Variants in C12orf56 observed in about 807,000 individuals in gnomAD.
C12orf56 encodes uncharacterized protein C12orf56.
Under a neutral mutation model 69.9 loss-of-function variants are expected in C12orf56, and 71 were observed. The observed-to-expected ratio is 1.02, with a 90% confidence interval of 0.84 to 1.24. The LOEUF (loss-of-function observed/expected upper bound fraction) is 1.24, where lower values mean the gene tolerates loss of function less well. Among genes scored for constraint, C12orf56 ranks in the 50% most tolerant of loss-of-function variants. The pLI is 0.00. For synonymous variants in C12orf56, 276 were observed against 274.1 expected (o/e 1.01, Z -0.07); for missense variants, 732 against 738.5 (o/e 0.99, Z 0.10).
At chr12:64,378,440 C>CTT (rs532430643) in intron 1 of C12orf56, among the ~76,000 whole-genome samples, 7 of 144,898 alleles carry the variant, frequency 4.8e-5, no homozygotes, top group African/African-American at 1.0e-4. Flanking sequence ...TATCTTGGGA[C>CTT]TTTTTTTTTT....
chr12:64,331,330 A>G (rs10878149), intron 2 of C12orf56, among the ~76,000 whole-genome samples: 39,431 of 151,894 alleles, frequency 0.26, 5,621 homozygotes, highest in Middle Eastern at 0.36. Flanking sequence ...ACGAGATGTC[A>G]TCTCTACAAA....
At chr12:64,277,825 G>A (rs780826147) in intron 8 of C12orf56, 22 bp from the exon 9 acceptor site, 5 of 1,511,234 alleles carry the variant, frequency 3.3e-6, no homozygotes, top group East Asian at 4.7e-5. Flanking sequence ...TAAATAAAAG[G>A]CAATTAGTGA....
intron 6 of C12orf56, chr12:64,293,385 G>T (rs186166397): frequency 8.2e-4 from 126 of 152,944 alleles, no homozygotes; most frequent in African/African-American, 2.4e-3. Context: ...CCCTGTGGCA[G>T]TTTTACAAAC....
rs777627701 is a variant in C12orf56 at position 64,390,282 on chromosome 12, C to A, written c.252+32G>T. On this transcript the variant is annotated intron_variant, in intron 1 of 12. Coordinates refer to ENST00000543942, the MANE Select transcript of C12orf56 (RefSeq NM_001170633.2). ...CCCAGCCGGGAGTTCTCACTGCGCT[C>A]CCGAGCCCGCCTGCCCACCCGCGCC... 34 of 1,572,538 alleles carry A rather than the reference C, an allele frequency of 2.2e-5. No individual in the cohort carries two copies. The African/African-American group carries it at 4.0e-4, about 19-fold the overall frequency.
intron 1 of C12orf56, among the ~76,000 whole-genome samples, chr12:64,370,258 T>C (rs1299471897): frequency 6.6e-6 from 1 of 150,770 alleles, no homozygotes; most frequent in Non-Finnish European, 1.5e-5. Context: ...GGCTGGAGAA[T>C]TGCTTGAACC....
intron 1 of C12orf56, among the ~76,000 whole-genome samples, chr12:64,379,080 C>G (rs1263292302): frequency 1.3e-5 from 2 of 151,764 alleles, no homozygotes; most frequent in Non-Finnish European, 2.9e-5. Context: ...GAACAGAACC[C>G]CTTGCTAATC....
At chr12:64,285,886 T>C (rs1461961386) in intron 7 of C12orf56, 68 bp downstream of exon 7, 1 of 936,082 alleles carries the variant, frequency 1.1e-6, no homozygotes, top group African/African-American at 1.7e-5. Flanking sequence ...TTTTGTCCAG[T>C]GTCTTCCATT....
intron 8 of C12orf56, among the ~76,000 whole-genome samples, chr12:64,278,473 A>G (rs139120818): frequency 6.6e-6 from 1 of 152,228 alleles, no homozygotes; most frequent in African/African-American, 2.4e-5. Flanking sequence ...TTAATTGATA[A>G]TAAAAATTGT....
Position 64,275,319 on chromosome 12 carries a change from C to T in C12orf56, c.1488G>A (p.Glu496=), listed in dbSNP as rs773087148. The change falls in exon 10 of 13, where the codon GAG becomes GAA. Residue 496 remains glutamate (E), a synonymous_variant. Coordinates refer to ENST00000543942, the MANE Select transcript of C12orf56 (RefSeq NM_001170633.2). ...YTNTATALLY[E]ILLVFQQGNL... is the part of the protein sequence containing the mutation. ...GTACCTGCTGAAAGACCAGAAGTAT[C>T]TCATATAAAAGTGCTGTAGCAGTAT... 1.2e-5 allele frequency: 17 copies of T among 1,432,910 alleles called. No homozygotes were observed. The highest frequency in any genetic ancestry group is 1.6e-5 in the Non-Finnish European group (17 of 1,077,484). The allele number at this position is 1,432,910 out of a possible 1,614,324, so 88.8% of individuals were successfully genotyped here. A position where few individuals can be genotyped will look rare whatever the true frequency, so the allele number is the denominator to read the frequency against.
chr12:64,314,818 G>A (rs2038669137), intron 4 of C12orf56, among the ~76,000 whole-genome samples: 1 of 150,098 alleles, frequency 6.7e-6, no homozygotes, highest in Admixed American at 6.7e-5. Context: ...CTATTTTTTA[G>A]TAGAGACGGG....
intron 5 of C12orf56, among the ~76,000 whole-genome samples, chr12:64,311,005 G>A (rs1001631353): frequency 6.6e-6 from 1 of 152,050 alleles, no homozygotes; most frequent in African/African-American, 2.4e-5. Flanking sequence ...TGCTCAGAAT[G>A]ATGGTTTCCA....
At chr12:64,294,885 AT>A (rs1208004870) in intron 6 of C12orf56, among the ~76,000 whole-genome samples, 3 of 151,990 alleles carry the variant, frequency 2.0e-5, no homozygotes, top group African/African-American at 7.3e-5. Flanking sequence ...TGAAAAAAAA[AT>A]CATATGAAGA....
At chr12:64,354,217 T>C (rs192480976) in intron 1 of C12orf56, among the ~76,000 whole-genome samples, 82 of 152,300 alleles carry the variant, frequency 5.4e-4, no homozygotes, top group African/African-American at 1.9e-3. Flanking sequence ...GATAGGACAT[T>C]TAGATCTTCT....
chr12:64,384,805 G>A (rs1467642089), intron 1 of C12orf56, among the ~76,000 whole-genome samples: 3 of 152,178 alleles, frequency 2.0e-5, no homozygotes, highest in Non-Finnish European at 4.4e-5. Flanking sequence ...TGTAATCCCA[G>A]CACTTTGGGA....
At chr12:64,348,487 C>T (rs1345172145) in intron 2 of C12orf56, among the ~76,000 whole-genome samples, 3 of 152,160 alleles carry the variant, frequency 2.0e-5, no homozygotes, top group African/African-American at 7.2e-5. Flanking sequence ...TATTTCATAA[C>T]ATCAAGTGCT....
In C12orf56 at chr12:64,321,825, T is replaced by C. The variant is rs142030657; in HGVS notation, c.489-2845A>G. ...AGTATCTTTTAATTTCCTTTATTAT[T>C]TTCAGCAGTTTGATCATGATGTGTT... On this transcript the variant is annotated intron_variant, in intron 3 of 12. Transcript: ENST00000543942. Among the ~76,000 whole-genome samples the C allele has an allele frequency of 3.7e-3, 563 of 152,196 alleles. 5 individuals carry two copies. The highest frequency in any genetic ancestry group is 6.1e-3 in the Non-Finnish European group (416 of 68,020).
chr12:64,378,431 A>G (rs752796460), intron 1 of C12orf56, among the ~76,000 whole-genome samples: 78 of 151,772 alleles, frequency 5.1e-4, no homozygotes, highest in Non-Finnish European at 8.5e-4. Flanking sequence ...AGTATCCCAT[A>G]TCTTGGGACT....
At chr12:64,276,471 C>T (rs755541934) in intron 9 of C12orf56, among the ~76,000 whole-genome samples, 8 of 152,324 alleles carry the variant, frequency 5.3e-5, no homozygotes, top group Middle Eastern at 3.4e-3. Flanking sequence ...CCCTGCCTAT[C>T]TGAGTCTTGG....
intron 12 of C12orf56, among the ~76,000 whole-genome samples, chr12:64,269,684 G>A (rs1032669395): frequency 6.6e-6 from 1 of 151,882 alleles, no homozygotes. Flanking sequence ...TGCCTCCTGG[G>A]TTCAAGTGAT....
Sources: allele counts gnomAD v4.1 joint callset (sites outside exome capture counted in the v4.1 genomes callset), GRCh38; gene constraint gnomAD v4.1.1; transcripts MANE v1.5; gene names NCBI Gene and HGNC (gene_info 2026-07-23, HGNC 2026-07-21).